The following XRN2 variants were observed in gnomAD, a reference collection of about 807,000 sequenced individuals.
XRN2 encodes DHM1-like protein.
Under a neutral mutation model 138.5 loss-of-function variants are expected in XRN2, and 44 were observed. The observed-to-expected ratio is 0.32, with a 90% CI of 0.25 to 0.41. The LOEUF (loss-of-function observed/expected upper bound fraction) is 0.41. XRN2 is among the 10% of genes least tolerant of loss of function. The probability of loss-of-function intolerance (pLI) is 1.00; values close to 1 mark genes in which losing one functional copy is unlikely to be tolerated. For synonymous variants in XRN2, 354 were observed against 369.4 expected (o/e 0.96, Z 0.48); for missense variants, 937 against 1,169.3 (o/e 0.80, Z 2.90).
rs1206754275 is a variant in XRN2 at position 21,322,272 on chromosome 20, G to A, written c.76-4007G>A. The stretch of plus-strand genomic sequence containing the variant: ...GTATAAAAATGAAGATCTAACACAC[G>A]TACAACTTGAAAAAATACTAATCAC... On this transcript the variant is annotated intron_variant, in intron 1 of 29. Coordinates refer to ENST00000377191, the MANE Select transcript of XRN2 (RefSeq NM_012255.5). 3.9e-5 allele frequency among the ~76,000 whole-genome samples: 6 copies of A among 152,196 alleles called. No individual in the cohort carries two copies. In the East Asian group the frequency reaches 5.8e-4, roughly 15 times the overall value.
intron 19 of XRN2, 63 bp from the exon 20 acceptor site, chr20:21,349,326 A>G: frequency 8.9e-7 from 1 of 1,121,346 alleles, no homozygotes; most frequent in Non-Finnish European, 1.3e-6. Context: ...AAGTCATATC[A>G]AATTCTTTAT....
rs2038555110 is a variant in XRN2, at chr20:21,354,715, A to G, written c.1937-74A>G. 2.1e-6 allele frequency: 3 copies of G among 1,403,562 alleles called. No individual in the cohort carries two copies. The Admixed American group carries it at 5.4e-5, about 25-fold the overall frequency. The allele number at this position is 1,403,562 out of a possible 1,614,324, so 86.9% of individuals were successfully genotyped here. ...CAAGGAAACTCTACTAGAAACGTTC[A>G]TTTCGAGCAATGATAAGTTGGAATT... is the stretch of plus-strand genomic sequence containing the variant. On this transcript the variant is annotated intron_variant, in intron 20 of 29. Coordinates refer to ENST00000377191, the MANE Select transcript of XRN2 (RefSeq NM_012255.5).
intron 8 of XRN2, 26 bp downstream of exon 8, chr20:21,331,844 T>G: frequency 6.2e-7 from 1 of 1,610,062 alleles, no homozygotes; most frequent in Non-Finnish European, 8.5e-7. Flanking sequence ...GGGATTTGCT[T>G]CTTTTGGATT....
chr20:21,338,907 C>A, intron 13 of XRN2, 137 bp from the exon 14 acceptor site: 1 of 726,932 alleles, frequency 1.4e-6, no homozygotes, highest in Non-Finnish European at 2.3e-6. Flanking sequence ...AGTCTTATTG[C>A]CTGGTTTAAT....
intron 27 of XRN2, among the ~76,000 whole-genome samples, chr20:21,381,433 G>A (rs1269417635): frequency 6.6e-6 from 1 of 152,154 alleles, no homozygotes; most frequent in African/African-American, 2.4e-5. Flanking sequence ...TCAGCTTTGC[G>A]TTACAAGAAA....
intron 14 of XRN2, 74 bp from the exon 15 acceptor site, chr20:21,340,647 C>A: frequency 2.0e-6 from 3 of 1,529,116 alleles, no homozygotes; most frequent in African/African-American, 1.4e-5. Flanking sequence ...TATTCCATTG[C>A]CCTTCTTTCC....
At position 21,331,809 on chromosome 20, in the gene XRN2, G is replaced by A. The variant is rs777389012; in HGVS notation, c.691G>A (p.Gly231Arg). The A allele has an allele frequency of 6.2e-7, 1 of 1,610,240 alleles. No homozygotes were observed. The highest frequency in any genetic ancestry group is 1.7e-5 in the Admixed American group (1 of 59,056). The change falls in exon 8 of 30, where the codon GGA (glycine) becomes AGA (arginine). Residue 231 changes from glycine (G) to arginine (R), a missense_variant. By Grantham distance (125) the Gly-to-Arg change is moderately radical. Around this residue, in one of 6 missense-constraint regions of XRN2, gnomAD observed 471 missense variants for 581.2 expected, o/e 0.81. Transcript: ENST00000377191. ...CCCAAATACTCATCATTGTTTATGTGGAGCAGATGGTAAGTTTCTTCTTTG... is the reference window on the plus strand; with the variant it reads ...CCCAAATACTCATCATTGTTTATGTAGAGCAGATGGTAAGTTTCTTCTTTG... The part of the protein sequence containing the change: ...HDPNTHHCLC[G>R]ADADLIMLGL...
chr20:21,346,913 A>T (rs897091419), intron 17 of XRN2, among the ~76,000 whole-genome samples: 5 of 152,162 alleles, frequency 3.3e-5, no homozygotes, highest in Non-Finnish European at 7.4e-5. Context: ...CACTGCGTCC[A>T]GCCCAGTAAT....
At chr20:21,370,498 GAT>G (rs2122324616) in intron 27 of XRN2, among the ~76,000 whole-genome samples, 1 of 152,330 alleles carries the variant, frequency 6.6e-6, no homozygotes, top group Non-Finnish European at 1.5e-5. Flanking sequence ...AATTAAATCA[GAT>G]ATGGTAGATA....
intron 20 of XRN2, among the ~76,000 whole-genome samples, chr20:21,353,555 C>A (rs2038539051): frequency 6.6e-6 from 1 of 151,128 alleles, no homozygotes. Context: ...CTTTGGGAGG[C>A]CAAGTTGGAA....
In XRN2 at chr20:21,303,340, C is replaced by A; in HGVS notation, c.-59C>A. The A allele has an allele frequency of 6.5e-7, 1 of 1,533,632 alleles. No homozygotes were observed. Among genetic ancestry groups the A allele is most frequent in the Non-Finnish European group, 8.8e-7 (1 of 1,138,450 alleles). ...AGTGCTGGTGCCCTCTGCCGCTGCT[C>A]CCGTCTCTTTGGTTACGCTCGTCAG... On this transcript the variant is annotated 5_prime_UTR_variant, in exon 1 of 30. Transcript: ENST00000377191.
At chr20:21,365,772 A>T (rs1302214373) in intron 26 of XRN2, 68 bp downstream of exon 26, 1 of 1,294,206 alleles carries the variant, frequency 7.7e-7, no homozygotes, top group Non-Finnish European at 1.0e-6. Context: ...ACAAGTCAGT[A>T]TTTATGCCAT....
At chr20:21,373,621 C>T (rs956200682) in intron 27 of XRN2, among the ~76,000 whole-genome samples, 1 of 152,192 alleles carries the variant, frequency 6.6e-6, no homozygotes, top group Admixed American at 6.5e-5. Context: ...CTGGTTGCTT[C>T]ATGTTGTTGC....
intron 24 of XRN2, among the ~76,000 whole-genome samples, chr20:21,358,106 C>T (rs1001059395): frequency 6.6e-5 from 10 of 152,146 alleles, no homozygotes; most frequent in African/African-American, 2.4e-4. Flanking sequence ...TAGGAACAAA[C>T]AGAACTCTAC....
At chr20:21,359,989 A>T (rs1448677241) in intron 24 of XRN2, among the ~76,000 whole-genome samples, 4 of 151,938 alleles carry the variant, frequency 2.6e-5, no homozygotes, top group Non-Finnish European at 5.9e-5. Context: ...ATTCATTCTT[A>T]TCTGTAGTGC....
chr20:21,338,354 T>G (rs1259717823), intron 13 of XRN2, among the ~76,000 whole-genome samples: 4 of 152,152 alleles, frequency 2.6e-5, no homozygotes, highest in Non-Finnish European at 4.4e-5. Flanking sequence ...AAACCATGGC[T>G]ACAATTTGGA....
intron 24 of XRN2, among the ~76,000 whole-genome samples, chr20:21,361,590 T>C (rs891958014): frequency 4.6e-5 from 7 of 152,220 alleles, no homozygotes; most frequent in African/African-American, 1.7e-4. Context: ...TTGAGGGTGC[T>C]TCTCTCTTTA....
intron 29 of XRN2, 99 bp downstream of exon 29, chr20:21,387,105 T>G: frequency 6.7e-7 from 1 of 1,481,634 alleles, no homozygotes; most frequent in South Asian, 1.4e-5. Context: ...GAGAAGACAC[T>G]GATAGAGTAG....
intron 24 of XRN2, among the ~76,000 whole-genome samples, chr20:21,364,392 T>C (rs1007324175): frequency 5.9e-5 from 9 of 152,172 alleles, no homozygotes; most frequent in African/African-American, 1.9e-4. Context: ...GAAGACAGAC[T>C]TAGGTACTTA....
Sources: allele counts gnomAD v4.1 joint callset (sites outside exome capture counted in the v4.1 genomes callset), GRCh38; gene constraint gnomAD v4.1.1; regional missense constraint gnomAD v4.1.1; transcripts MANE v1.5; gene names NCBI Gene and HGNC (gene_info 2026-07-23, HGNC 2026-07-21).